Variants in EVI5 observed in about 807,000 individuals in gnomAD.
The protein encoded by EVI5 is ecotropic viral integration site 5 protein homolog.
A neutral mutation model predicts 112.0 loss-of-function variants in EVI5; 73 were observed. That is an observed-to-expected ratio of 0.65 (90% CI 0.54 to 0.79). The LOEUF (loss-of-function observed/expected upper bound fraction) is 0.79, where lower values mean the gene tolerates loss of function less well. Among genes scored for constraint, EVI5 ranks in the 30% least tolerant of loss-of-function variants. The pLI is 0.00. For synonymous variants in EVI5, 305 were observed against 319.9 expected (o/e 0.95, Z 0.50); for missense variants, 900 against 968.8 (o/e 0.93, Z 0.94).
At chr1:92,743,761 C>T (rs751773504) in intron 1 of EVI5, among the ~76,000 whole-genome samples, 3 of 151,932 alleles carry the variant, frequency 2.0e-5, no homozygotes, top group Non-Finnish European at 4.4e-5. Context: ...TTCTTGTTAC[C>T]CTGGCTAGAG....
chr1:92,759,796 T>G (rs1230791503), intron 1 of EVI5, among the ~76,000 whole-genome samples: 1 of 152,158 alleles, frequency 6.6e-6, no homozygotes, highest in Non-Finnish European at 1.5e-5. Flanking sequence ...TTGTAGCATG[T>G]ATCAGAACCT....
At chr1:92,721,241 G>A (rs61800504) in intron 2 of EVI5, among the ~76,000 whole-genome samples, 2 of 152,016 alleles carry the variant, frequency 1.3e-5, no homozygotes, top group East Asian at 3.9e-4. Flanking sequence ...TGTTTATTGC[G>A]GCACTATTCA....
intron 1 of EVI5, among the ~76,000 whole-genome samples, chr1:92,754,532 ACAAG>A (rs142686558): frequency 0.57 from 86,324 of 151,546 alleles, 26,280 homozygotes; most frequent in East Asian, 0.92. Flanking sequence ...GAGCTTGCAG[ACAAG>A]ATCTTGGCTA....
chr1:92,541,096 C>G (rs1056520873), intron 19 of EVI5, among the ~76,000 whole-genome samples: 2 of 151,954 alleles, frequency 1.3e-5, no homozygotes, highest in Admixed American at 6.6e-5. Context: ...AACAAATAAA[C>G]AAAAAAGCAG....
At chr1:92,549,263 A>C (rs1238321001) in intron 19 of EVI5, among the ~76,000 whole-genome samples, 2 of 152,242 alleles carry the variant, frequency 1.3e-5, no homozygotes, top group African/African-American at 4.8e-5. Context: ...TTCCCTATTT[A>C]ATAAATGGTG....
chr1:92,570,317 G>A (rs911443989), intron 18 of EVI5, among the ~76,000 whole-genome samples: 3 of 151,352 alleles, frequency 2.0e-5, no homozygotes, highest in African/African-American at 2.4e-5. Context: ...TTTTTTTGGC[G>A]GGAGCGAGGG....
chr1:92,557,725 AC>A (rs1212174842), intron 19 of EVI5, among the ~76,000 whole-genome samples: 1 of 149,948 alleles, frequency 6.7e-6, no homozygotes, highest in African/African-American at 2.5e-5. Context: ...TCCGAAGAAA[AC>A]TTTTTTTTTT....
At chr1:92,695,091 C>T (rs530747491) in intron 7 of EVI5, among the ~76,000 whole-genome samples, 1 of 152,320 alleles carries the variant, frequency 6.6e-6, no homozygotes, top group Non-Finnish European at 1.5e-5. Context: ...GCTACTTAAC[C>T]TTTCTCTAAG....
At chr1:92,724,228 T>C (rs1198147406) in intron 2 of EVI5, among the ~76,000 whole-genome samples, 1 of 152,068 alleles carries the variant, frequency 6.6e-6, no homozygotes, top group Non-Finnish European at 1.5e-5. Context: ...ATCAAGGTCC[T>C]ACCAATATGT....
At chr1:92,725,493 G>A (rs1361695299) in intron 2 of EVI5, among the ~76,000 whole-genome samples, 2 of 152,102 alleles carry the variant, frequency 1.3e-5, no homozygotes, top group Admixed American at 6.6e-5. Flanking sequence ...CACAATCTCA[G>A]GTATTCAATA....
chr1:92,662,915 A>G (rs1011115893), intron 12 of EVI5, 50 bp from the exon 13 acceptor site: 1 of 1,084,298 alleles, frequency 9.2e-7, no homozygotes, highest in South Asian at 1.8e-5. Context: ...TAGATTCAAG[A>G]AAGACTGCCT....
chr1:92,636,215 A>G lies in EVI5; in HGVS notation c.1514T>C (p.Leu505Ser), dbSNP rs1658793367. Reference protein sequence around the residue: ...CALKEMQDKVLDIEKRNNSLP... With the variant: ...CALKEMQDKVSDIEKRNNSLP... Reference sequence around the variant, plus strand: ...TAGGTTTCTTACCTTCTCTATATCCAAGACTTTATCCTGCATCTCTTTTAA... The same window carrying G: ...TAGGTTTCTTACCTTCTCTATATCCGAGACTTTATCCTGCATCTCTTTTAA... Residue 505 changes from leucine (L) to serine (S), a missense_variant, in exon 14 of 20, where the codon TTG becomes TCG. Physicochemically the swap from Leu to Ser is moderately radical, Grantham distance 145. Transcript: ENST00000684568. 2 of 1,613,046 alleles carry G rather than the reference A, an allele frequency of 1.2e-6. No homozygotes were observed. Among genetic ancestry groups the G allele is most frequent in the African/African-American group, 1.3e-5 (1 of 75,018 alleles).
At chr1:92,744,938 C>T (rs954109933) in intron 1 of EVI5, among the ~76,000 whole-genome samples, 2 of 151,696 alleles carry the variant, frequency 1.3e-5, no homozygotes, top group African/African-American at 2.4e-5. Context: ...AGTCAGGAAT[C>T]GTTTTTCTCT....
chr1:92,570,087 G>A (rs1670099290), intron 18 of EVI5, among the ~76,000 whole-genome samples: 1 of 151,978 alleles, frequency 6.6e-6, no homozygotes, highest in South Asian at 2.1e-4. Flanking sequence ...CAGGAAGAAT[G>A]TAGAAATAAG....
intron 9 of EVI5, among the ~76,000 whole-genome samples, chr1:92,685,715 A>G (rs1020831493): frequency 6.6e-6 from 1 of 152,168 alleles, no homozygotes; most frequent in African/African-American, 2.4e-5. Context: ...GATAAAGGGG[A>G]TATCACCACC....
chr1:92,636,437 C>T, intron 13 of EVI5, 101 bp from the exon 14 acceptor site: 1 of 928,544 alleles, frequency 1.1e-6, no homozygotes, highest in East Asian at 2.7e-5. Flanking sequence ...ACATTAAGGG[C>T]AACTAAATAG....
At chr1:92,516,751 AAAG>A (rs1659955652) in intron 19 of EVI5, among the ~76,000 whole-genome samples, 1 of 152,188 alleles carries the variant, frequency 6.6e-6, no homozygotes, top group Non-Finnish European at 1.5e-5. Context: ...TGGGCCCTCT[AAAG>A]TGCAGTCCTG....
In EVI5 at chr1:92,611,025, C is replaced by A. The variant is rs547827201; in HGVS notation, c.1828-3298G>T. Among the ~76,000 whole-genome samples the A allele has an allele frequency of 6.6e-4, 100 of 151,020 alleles. 1 individual carries two copies. The highest frequency in any genetic ancestry group is 2.3e-3 in the African/African-American group (96 of 41,018). On this transcript the variant is annotated intron_variant, in intron 16 of 19. Transcript: ENST00000684568. The stretch of plus-strand genomic sequence containing the variant: ...TGACGAGTTAGTGGGTGCAGCGCAC[C>A]AGCATGGCACATGTATACATATGTA...
At chr1:92,546,653 G>A (rs1229415295) in intron 19 of EVI5, among the ~76,000 whole-genome samples, 2 of 151,944 alleles carry the variant, frequency 1.3e-5, no homozygotes, top group Non-Finnish European at 2.9e-5. Flanking sequence ...CCGAGATCAC[G>A]CCACTGCACT....
Sources: allele counts gnomAD v4.1 joint callset (sites outside exome capture counted in the v4.1 genomes callset), GRCh38; gene constraint gnomAD v4.1.1; transcripts MANE v1.5; gene names NCBI Gene and HGNC (gene_info 2026-07-23, HGNC 2026-07-21).